The following GRID2IP variants were observed in gnomAD, a reference collection of about 807,000 sequenced individuals.
The protein encoded by GRID2IP is Grid2 interacting protein.
Under a neutral mutation model 114.3 loss-of-function variants are expected in GRID2IP, and 78 were observed. The observed-to-expected ratio is 0.68, with a 90% CI of 0.57 to 0.82. The LOEUF is 0.82. GRID2IP is among the 40% of genes least tolerant of loss of function. GRID2IP has a pLI of 0.00. For missense variants in GRID2IP, 1,727 were observed against 1,678.5 expected (o/e 1.03, Z -0.51); for synonymous variants, 809 against 724.0 (o/e 1.12, Z -1.89).
rs183150972 is a variant in GRID2IP, at chr7:6,516,604, G to A, written c.1269-2075C>T. On this transcript the variant is annotated intron_variant, in intron 7 of 21. Coordinates refer to ENST00000457091, the MANE Select transcript of GRID2IP (RefSeq NM_001145118.2). This position sits in a 1 kb window ranked among gnomAD's most constrained non-coding sequence, Gnocchi z 4.3. ...GTCTCCCTTTCCTGGTGGAGTTAAA[G>A]AAGACTCTGCTCCACCACTGCTTGC... 3.2e-3 allele frequency among the ~76,000 whole-genome samples: 492 copies of A among 152,128 alleles called. 2 individuals are homozygous for A. The highest frequency in any genetic ancestry group is 0.011 in the African/African-American group (445 of 41,500).
At position 6,551,311 on chromosome 7, in the gene GRID2IP, T is replaced by C. The variant is rs1468170895; in HGVS notation, c.126A>G (p.Gly42=). 4.5e-6 allele frequency: 7 copies of C among 1,544,850 alleles called. No homozygotes were observed. The highest frequency in any genetic ancestry group is 2.0e-5 in the Admixed American group (1 of 50,908). The part of the protein sequence containing the change: ...VAKGSSAHAG[G]LRPGDQILEV... ...CCAGGATCTGGTCTCCTGGCCGCAG[T>C]CCTCCGGCATGCGCGCTGCTCCCCT... The change falls in exon 1 of 22, where the codon GGA becomes GGG. Residue 42 remains glycine, a synonymous_variant. Transcript: ENST00000457091.
chr7:6,506,100 C>A lies in GRID2IP; in HGVS notation c.2545-193G>T, dbSNP rs780621226. ...TCCGAGTCACCGGGTGCTGAGCCAG[C>A]GCCTCCTGGGGTCAATCGAGACTCA... On this transcript the variant is annotated intron_variant, in intron 13 of 21. Transcript: ENST00000457091. The surrounding 1 kb of genome is among the most constrained non-coding windows in gnomAD (Gnocchi z 5.2). 6.6e-6 allele frequency among the ~76,000 whole-genome samples: 1 copy of A among 152,228 alleles called. No individual in the cohort carries two copies. The highest frequency in any genetic ancestry group is 1.5e-5 in the Non-Finnish European group (1 of 68,036).
Position 6,497,493 on chromosome 7 carries a change from C to T in GRID2IP, c.*281G>A, listed in dbSNP as rs1048478048. On this transcript the variant is annotated 3_prime_UTR_variant, in exon 22 of 22. Coordinates refer to ENST00000457091, the MANE Select transcript of GRID2IP (RefSeq NM_001145118.2). Reference sequence around the variant, plus strand: ...CCAGGCCCCCCTGACAGCCTGGGAGCGAAGTGGGAAGTGGGCCCAAGAAGC... The same window carrying T: ...CCAGGCCCCCCTGACAGCCTGGGAGTGAAGTGGGAAGTGGGCCCAAGAAGC... The T allele has an allele frequency of 8.8e-5, 30 of 341,908 alleles. No homozygotes were observed. The highest frequency in any genetic ancestry group is 6.9e-5 in the Non-Finnish European group (13 of 188,040). The allele number at this position is 341,908 out of a possible 1,614,324, so 21.2% of individuals were successfully genotyped here.
At position 6,503,484 on chromosome 7, in the gene GRID2IP, G is replaced by C. The variant is rs1416496919; in HGVS notation, c.2907+7C>G. 1 of 1,515,808 alleles carries C rather than the reference G, an allele frequency of 6.6e-7. No homozygotes were observed. The highest frequency in any genetic ancestry group is 8.8e-7 in the Non-Finnish European group (1 of 1,139,232). The allele number at this position is 1,515,808 out of a possible 1,614,324, so 93.9% of individuals were successfully genotyped here. A position where few individuals can be genotyped will look rare whatever the true frequency, so the allele number is the denominator to read the frequency against. On this transcript the variant is annotated splice_region_variant and intron_variant, in intron 16 of 21. Coordinates refer to ENST00000457091, the MANE Select transcript of GRID2IP (RefSeq NM_001145118.2). ...GAGGCCTCGGGGCGGGGTTGTGGTC[G>C]CGGCACCTGCAGGACGAACTGGTCC...
In GRID2IP at chr7:6,514,673, C is replaced by A; in HGVS notation, c.1269-144G>T. ...ACCCTTCAAAGACAGAAGTGGGGGC[C>A]GGGCACAGTGGCTCACGCCTGTAAT... On this transcript the variant is annotated intron_variant, in intron 7 of 21. Coordinates refer to ENST00000457091, the MANE Select transcript of GRID2IP (RefSeq NM_001145118.2). 2 of 668,400 alleles carry A rather than the reference C, an allele frequency of 3.0e-6. 1 individual carries two copies. The allele number at this position is 668,400 out of a possible 1,614,324, so 41.4% of individuals were successfully genotyped here.
chr7:6,551,293 C>G lies in GRID2IP; in HGVS notation c.144G>C (p.Gln48His), dbSNP rs150447156. 1 of 1,542,104 alleles carries G rather than the reference C, an allele frequency of 6.5e-7. No individual in the cohort carries two copies. The highest frequency in any genetic ancestry group is 1.4e-5 in the African/African-American group (1 of 72,972). ...CCGCCAGCCCCTCCACCTCCAGGAT[C>G]TGGTCTCCTGGCCGCAGTCCTCCGG... ...AHAGGLRPGD[Q>H]ILEVEGLAVG... is the part of the protein sequence containing the mutation. Residue 48 changes from glutamine (Q) to histidine (H), a missense_variant, in exon 1 of 22, where the codon CAG (glutamine) becomes CAC (histidine). Physicochemically the swap from Gln to His is conservative, Grantham distance 24. Transcript: ENST00000457091.
chr7:6,525,272 A>T (rs1046906698), intron 4 of GRID2IP, among the ~76,000 whole-genome samples: 7 of 151,914 alleles, frequency 4.6e-5, no homozygotes, highest in African/African-American at 1.7e-4. Context: ...ATGCCATTGC[A>T]CTCCAGCCTG....
rs1779642753 is a variant in GRID2IP, at chr7:6,532,269, C to T, written c.585-5500G>A. 6.6e-6 allele frequency among the ~76,000 whole-genome samples: 1 copy of T among 152,136 alleles called. No homozygotes were observed. Among genetic ancestry groups the T allele is most frequent in the Admixed American group, 6.5e-5 (1 of 15,268 alleles). ...AGGCACATCCTGGGGAGGGGCTCTT[C>T]AGGGGCACCCCCAACCAGAACATCA... On this transcript the variant is annotated intron_variant, in intron 2 of 21. Transcript: ENST00000457091. This position sits in a 1 kb window ranked among gnomAD's most constrained non-coding sequence, Gnocchi z 4.4.
chr7:6,539,114 G>T (rs972214050), intron 2 of GRID2IP, among the ~76,000 whole-genome samples: 5 of 148,148 alleles, frequency 3.4e-5, no homozygotes, highest in Non-Finnish European at 7.4e-5. Context: ...TTTTGGGGTG[G>T]AGCAGGGCAG....
chr7:6,513,947 C>CAAAA (rs35124535), intron 8 of GRID2IP, among the ~76,000 whole-genome samples: 5 of 47,526 alleles, frequency 1.1e-4, no homozygotes, highest in Admixed American at 2.8e-4. Context: ...GACTCCGTCT[C>CAAAA]AAAAAAAAAA....
At chr7:6,549,790 T>G (rs931464362) in intron 1 of GRID2IP, among the ~76,000 whole-genome samples, 1 of 144,370 alleles carries the variant, frequency 6.9e-6, no homozygotes, top group African/African-American at 2.7e-5. Context: ...CCTGGCTGGT[T>G]TTTTTTTTTT....
At chr7:6,538,865 C>T (rs1347006365) in intron 2 of GRID2IP, among the ~76,000 whole-genome samples, 1 of 151,876 alleles carries the variant, frequency 6.6e-6, no homozygotes, top group Non-Finnish European at 1.5e-5. Context: ...TAGAGTGAGA[C>T]TCTGTCTGAA....
Position 6,501,921 on chromosome 7 carries a change from C to T in GRID2IP, c.3281-22G>A, listed in dbSNP as rs1430495027. 1.9e-6 allele frequency: 3 copies of T among 1,550,448 alleles called. No individual in the cohort carries two copies. The East Asian group carries it at 7.3e-5, about 38-fold the overall frequency. ...TTCACTGTAGGGAAGAGGACAGGGG[C>T]TGCATGGGGCCACTCTCCCAGCCCA... is the stretch of plus-strand genomic sequence containing the variant. On this transcript the variant is annotated intron_variant, in intron 19 of 21. Transcript: ENST00000457091.
Position 6,526,842 on chromosome 7 carries a change from C to T in GRID2IP, c.585-73G>A. 1.4e-6 allele frequency: 2 copies of T among 1,386,980 alleles called. No individual in the cohort carries two copies. Among genetic ancestry groups the T allele is most frequent in the Non-Finnish European group, 1.9e-6 (2 of 1,069,576 alleles). 85.9% of individuals were successfully genotyped at this position (1,386,980 alleles called of 1,614,324 possible). A position where few individuals can be genotyped will look rare whatever the true frequency, so the allele number is the denominator to read the frequency against. ...CTCTGCAAACCGCGGCCCGAAGGCG[C>T]GTCCTCGCGGGCGCCGCCCTAGGCT... On this transcript the variant is annotated intron_variant, in intron 2 of 21. Coordinates refer to ENST00000457091, the MANE Select transcript of GRID2IP (RefSeq NM_001145118.2). The surrounding 1 kb of genome is among the most constrained non-coding windows in gnomAD (Gnocchi z 7.6).
chr7:6,521,766 C>T lies in GRID2IP; in HGVS notation c.989+122G>A, dbSNP rs1779416594. The T allele has an allele frequency of 1.3e-6, 1 of 781,028 alleles. No homozygotes were observed. The highest frequency in any genetic ancestry group is 2.1e-6 in the Non-Finnish European group (1 of 471,308). 48.4% of individuals were successfully genotyped at this position (781,028 alleles called of 1,614,324 possible). A position where few individuals can be genotyped will look rare whatever the true frequency, so the allele number is the denominator to read the frequency against. ...GAGTTCCCATTGGAAGAGGGACAGA[C>T]CCTGGGGACCAAATGGTGAGAGGAG... is the stretch of plus-strand genomic sequence containing the variant. On this transcript the variant is annotated intron_variant, in intron 5 of 21. Transcript: ENST00000457091. The surrounding 1 kb of genome is among the most constrained non-coding windows in gnomAD (Gnocchi z 4.1).
chr7:6,508,128 G>A lies in GRID2IP; in HGVS notation c.2401C>T (p.Pro801Ser). Residue 801 changes from proline to serine, a missense_variant, in exon 13 of 22, where the codon CCG (proline) becomes TCG (serine). Transcript: ENST00000457091. The surrounding 1 kb of genome is among the most constrained non-coding windows in gnomAD (Gnocchi z 5.6). Reference sequence around the variant, plus strand: ...CAGGGCACGGGTGGGGGCAGGGGCGGTGGGGGTGGTGGAGGGACTGGGTGG... The same window carrying A: ...CAGGGCACGGGTGGGGGCAGGGGCGATGGGGGTGGTGGAGGGACTGGGTGG... ...LSHPVPPPPP[P>S]PLPPPVPCAP... is the part of the protein sequence containing the mutation. 1 of 1,507,278 alleles carries A rather than the reference G, an allele frequency of 6.6e-7. No homozygotes were observed. The highest frequency in any genetic ancestry group is 8.9e-7 in the Non-Finnish European group (1 of 1,126,758). 93.4% of individuals were successfully genotyped at this position (1,507,278 alleles called of 1,614,324 possible).
At chr7:6,504,466 G>A (rs1052013542) in intron 15 of GRID2IP, among the ~76,000 whole-genome samples, 1 of 151,648 alleles carries the variant, frequency 6.6e-6, no homozygotes, top group African/African-American at 2.4e-5. Flanking sequence ...TGAGGACGGG[G>A]TTCTCGAGAC....
At position 6,516,469 on chromosome 7, in the gene GRID2IP, G is replaced by C. The variant is rs1395750197; in HGVS notation, c.1269-1940C>G. On this transcript the variant is annotated intron_variant, in intron 7 of 21. Transcript: ENST00000457091. This position sits in a 1 kb window ranked among gnomAD's most constrained non-coding sequence, Gnocchi z 4.3. ...ACGGTGAGAAGTGACCAAAAGACAAGAGTGTGAGCCCTCCGTTATGCCTGG... is the reference window on the plus strand; with the variant it reads ...ACGGTGAGAAGTGACCAAAAGACAACAGTGTGAGCCCTCCGTTATGCCTGG... Among the ~76,000 whole-genome samples the C allele has an allele frequency of 1.4e-5, 2 of 145,090 alleles. No individual in the cohort carries two copies. Among genetic ancestry groups the C allele is most frequent in the African/African-American group, 4.9e-5 (2 of 40,860 alleles).
intron 1 of GRID2IP, among the ~76,000 whole-genome samples, chr7:6,541,045 CTAAT>C (rs774250462): frequency 3.5e-4 from 53 of 151,788 alleles, no homozygotes; most frequent in Non-Finnish European, 6.0e-4. Context: ...AGAGAACTGG[CTAAT>C]TAAATTTTTT....
Sources: gnomAD v4.1 joint callset for allele counts (sites outside exome capture counted in the v4.1 genomes callset) on GRCh38, gnomAD v4.1.1 for gene constraint, Gnocchi (gnomAD v3.1) non-coding constraint, MANE v1.5 for transcripts, NCBI Gene and HGNC (gene_info 2026-07-23, HGNC 2026-07-21) for gene names.